The following MYCBP variants were observed in gnomAD, a reference collection of about 807,000 sequenced individuals.
MYCBP encodes C-Myc-binding protein.
Under a neutral mutation model 16.8 loss-of-function variants are expected in MYCBP, and 5 were observed. That is an observed-to-expected ratio of 0.30 (90% CI 0.16 to 0.63). The LOEUF (loss-of-function observed/expected upper bound fraction) is 0.63. MYCBP is among the 20% of genes least tolerant of loss of function. The pLI, the probability that MYCBP is intolerant of heterozygous loss-of-function variation, is 0.83. For synonymous variants in MYCBP, 35 were observed against 43.7 expected (o/e 0.80, Z 0.79); for missense variants, 103 against 121.8 (o/e 0.85, Z 0.73).
intron 2 of MYCBP, among the ~76,000 whole-genome samples, chr1:38,870,844 A>G (rs1456898902): frequency 6.7e-6 from 1 of 149,790 alleles, no homozygotes; most frequent in Admixed American, 6.6e-5. Flanking sequence ...AGAATTGTGT[A>G]AAGCACCTAT....
At chr1:38,867,229 G>A (rs192444125) in intron 3 of MYCBP, among the ~76,000 whole-genome samples, 1 of 152,184 alleles carries the variant, frequency 6.6e-6, no homozygotes, top group Non-Finnish European at 1.5e-5. Flanking sequence ...GGCACATCAC[G>A]AGGTCAGGAG....
chr1:38,866,776 A>G (rs1197146624), intron 4 of MYCBP, 104 bp downstream of exon 4: 3 of 948,724 alleles, frequency 3.2e-6, no homozygotes, highest in Non-Finnish European at 4.7e-6. Flanking sequence ...ATTCAAATTG[A>G]TATTCACCCA....
intron 2 of MYCBP, chr1:38,872,529 TG>T (rs1357983532): frequency 6.2e-6 from 1 of 160,012 alleles, no homozygotes; most frequent in African/African-American, 2.4e-5. Context: ...GACTAAGGAA[TG>T]GGGGCTGAAA....
intron 4 of MYCBP, 51 bp from the exon 5 acceptor site, chr1:38,864,765 A>G: frequency 6.5e-7 from 1 of 1,533,896 alleles, no homozygotes; most frequent in Admixed American, 1.7e-5. Context: ...TAAATTGAGT[A>G]AAAAATAGTA....
chr1:38,871,804 C>T (rs1570890469), intron 2 of MYCBP, among the ~76,000 whole-genome samples: 1 of 152,122 alleles, frequency 6.6e-6, no homozygotes, highest in East Asian at 1.9e-4. Context: ...GTATTTCTCT[C>T]CCTCAACTAG....
At chr1:38,866,280 G>A (rs866634136) in intron 4 of MYCBP, among the ~76,000 whole-genome samples, 2 of 151,814 alleles carry the variant, frequency 1.3e-5, no homozygotes, top group African/African-American at 2.4e-5. Context: ...ACACCTGACC[G>A]CAGGTGATCT....
rs751194364 is a variant in MYCBP, at chr1:38,873,007, C to T, written c.88+11G>A. The stretch of plus-strand genomic sequence containing the variant: ...GAGGGCACGAGGTACCCTCTCCTAG[C>T]CCAGGCTCACCCTTGGTCAGCGTGT... On this transcript the variant is annotated intron_variant, in intron 2 of 4. Coordinates refer to ENST00000397572, the MANE Select transcript of MYCBP (RefSeq NM_012333.5). 2 of 1,569,312 alleles carry T rather than the reference C, an allele frequency of 1.3e-6. No homozygotes were observed. Among genetic ancestry groups the T allele is most frequent in the Non-Finnish European group, 1.7e-6 (2 of 1,157,236 alleles).
In MYCBP at chr1:38,871,257, A is replaced by C. The variant is rs184478595; in HGVS notation, c.88+1761T>G. ...TAGTCAGTTACCGCCTACAACTGTC[A>C]TTTTTCTGCCTTTTACCATTCAGTC... On this transcript the variant is annotated intron_variant, in intron 2 of 4. Transcript: ENST00000397572. 1.8e-3 allele frequency among the ~76,000 whole-genome samples: 279 copies of C among 151,928 alleles called. 2 individuals carry two copies. Among genetic ancestry groups the C allele is most frequent in the African/African-American group, 6.2e-3 (256 of 41,402 alleles).
intron 2 of MYCBP, 131 bp downstream of exon 2, chr1:38,872,886 GC>G (rs1266240879): frequency 2.9e-6 from 3 of 1,047,936 alleles, no homozygotes; most frequent in Admixed American, 2.5e-5. Flanking sequence ...GAACCCCGAG[GC>G]CCACCTCGCT....
At chr1:38,868,472 G>C (rs1281430826) in intron 2 of MYCBP, among the ~76,000 whole-genome samples, 1 of 152,114 alleles carries the variant, frequency 6.6e-6, no homozygotes, top group African/African-American at 2.4e-5. Flanking sequence ...ACTCATATGA[G>C]CACTGCCTTG....
chr1:38,865,137 T>C (rs1319606786), intron 4 of MYCBP, among the ~76,000 whole-genome samples: 2 of 152,236 alleles, frequency 1.3e-5, no homozygotes, highest in African/African-American at 2.4e-5. Flanking sequence ...CTAATGTCTT[T>C]GAGTTAAAAG....
Position 38,863,487 on chromosome 1 carries a change from AG to A in MYCBP, c.*1182del, listed in dbSNP as rs1424663356. 2 of 152,408 alleles carry A rather than the reference AG, an allele frequency of 1.3e-5. No individual in the cohort carries two copies. The highest frequency in any genetic ancestry group is 6.5e-5 in the Admixed American group (1 of 15,288). The allele number at this position is 152,408 out of a possible 1,614,324, so 9.4% of individuals were successfully genotyped here. Reference sequence around the variant, plus strand: ...GTAGGTCTACCCAAAGAAAGGAAAAAGGACTAACAAACAAGAATATAGTGCT... The same window carrying A: ...GTAGGTCTACCCAAAGAAAGGAAAAAGACTAACAAACAAGAATATAGTGCT... On this transcript the variant is annotated 3_prime_UTR_variant, in exon 5 of 5. Coordinates refer to ENST00000397572, the MANE Select transcript of MYCBP (RefSeq NM_012333.5).
chr1:38,870,799 CAAAAAAAA>C (rs60684785), intron 2 of MYCBP, among the ~76,000 whole-genome samples: 7 of 60,684 alleles, frequency 1.2e-4, no homozygotes, highest in South Asian at 1.2e-3. Flanking sequence ...GACTCCGTCT[CAAAAAAAA>C]AAAAAAAAAA....
chr1:38,868,813 G>C (rs538325554), intron 2 of MYCBP, among the ~76,000 whole-genome samples: 117 of 152,208 alleles, frequency 7.7e-4, no homozygotes, highest in African/African-American at 2.6e-3. Flanking sequence ...GGCTGAGGCA[G>C]GAGAATGGCG....
At chr1:38,865,746 G>A (rs891446268) in intron 4 of MYCBP, among the ~76,000 whole-genome samples, 1 of 152,148 alleles carries the variant, frequency 6.6e-6, no homozygotes, top group African/African-American at 2.4e-5. Flanking sequence ...AGGCTGCAGT[G>A]AGACATGACT....
intron 2 of MYCBP, among the ~76,000 whole-genome samples, chr1:38,870,010 T>C (rs1039571641): frequency 8.6e-5 from 13 of 150,894 alleles, no homozygotes; most frequent in African/African-American, 3.2e-4. Flanking sequence ...CTACTAAAAA[T>C]ACAAAAAAAA....
At chr1:38,870,814 AAAAAAAAAAAAAAAC>A (rs924012461) in intron 2 of MYCBP, among the ~76,000 whole-genome samples, 10 of 143,540 alleles carry the variant, frequency 7.0e-5, no homozygotes, top group Non-Finnish European at 1.2e-4. Context: ...AAAAAAAAAA[AAAAAAAAAAAAAAAC>A]AAATAGAATT....
chr1:38,872,919 T>A, intron 2 of MYCBP, 99 bp downstream of exon 2: 2 of 1,380,050 alleles, frequency 1.4e-6, no homozygotes, highest in Non-Finnish European at 2.0e-6. Flanking sequence ...GGGCCCCATC[T>A]GTTTCCCCTC....
At chr1:38,870,799 CAAAAAAAAAAAA>C (rs60684785) in intron 2 of MYCBP, among the ~76,000 whole-genome samples, 20 of 60,684 alleles carry the variant, frequency 3.3e-4, no homozygotes, top group South Asian at 1.2e-3. Flanking sequence ...GACTCCGTCT[CAAAAAAAAAAAA>C]AAAAAAAAAA....
Sources: allele counts gnomAD v4.1 joint callset (sites outside exome capture counted in the v4.1 genomes callset), GRCh38; gene constraint gnomAD v4.1.1; transcripts MANE v1.5; gene names NCBI Gene and HGNC (gene_info 2026-07-23, HGNC 2026-07-21).